Variants in NEK7 observed in about 807,000 individuals in gnomAD.
NEK7 encodes the protein NIMA related kinase 7, also known as serine/threonine-protein kinase Nek7.
In NEK7, 18 loss-of-function variants were observed where a neutral mutation model predicts 44.6. The ratio of observed to expected loss-of-function variants is 0.40; its 90% CI spans 0.28 to 0.60. The LOEUF (loss-of-function observed/expected upper bound fraction) is 0.60, where lower values mean the gene tolerates loss of function less well. Ranked by LOEUF, NEK7 falls within the 20% of genes least tolerant of loss-of-function variation. The pLI is 0.38. For missense variants in NEK7, 256 were observed against 366.5 expected (o/e 0.70, Z 2.46); for synonymous variants, 130 against 121.1 (o/e 1.07, Z -0.48).
At chr1:198,319,334 T>G (rs1261475905) in intron 9 of NEK7, 78 bp from the exon 10 acceptor site, 2 of 837,440 alleles carry the variant, frequency 2.4e-6, no homozygotes, top group African/African-American at 3.4e-5. Context: ...TCTATAGCTA[T>G]TCATAATTTC....
In NEK7 at chr1:198,250,839, G is replaced by A. The variant is rs571637131; in HGVS notation, c.58-2201G>A. Among the ~76,000 whole-genome samples, 1,444 of 150,426 alleles carry A rather than the reference G, an allele frequency of 9.6e-3. 24 individuals carry two copies. Among genetic ancestry groups the A allele is most frequent in the African/African-American group, 0.033 (1,353 of 40,966 alleles). On this transcript the variant is annotated intron_variant, in intron 2 of 9. Transcript: ENST00000367385. Reference sequence around the variant, plus strand: ...TGTCATCTGCAAACAGGGACAATTTGACTTCCTCTTTTCCTAATTGAATAC... The same window carrying A: ...TGTCATCTGCAAACAGGGACAATTTAACTTCCTCTTTTCCTAATTGAATAC...
intron 1 of NEK7, among the ~76,000 whole-genome samples, chr1:198,219,076 A>G (rs1485311689): frequency 2.0e-5 from 3 of 151,966 alleles, no homozygotes; most frequent in Non-Finnish European, 2.9e-5. Context: ...CCAAAGAAAA[A>G]GAAGTCACTG....
intron 3 of NEK7, among the ~76,000 whole-genome samples, chr1:198,259,826 CAT>C (rs756434289): frequency 2.0e-5 from 3 of 151,938 alleles, no homozygotes; most frequent in Non-Finnish European, 4.4e-5. Flanking sequence ...CACACACACA[CAT>C]ATATATTTTC....
chr1:198,259,319 C>T (rs1272063946), intron 3 of NEK7, among the ~76,000 whole-genome samples: 3 of 152,068 alleles, frequency 2.0e-5, no homozygotes, highest in Non-Finnish European at 2.9e-5. Context: ...TGTTGTTCCA[C>T]ATCATAGAGA....
At chr1:198,169,097 T>C (rs1571497284) in intron 1 of NEK7, among the ~76,000 whole-genome samples, 1 of 152,244 alleles carries the variant, frequency 6.6e-6, no homozygotes, top group Non-Finnish European at 1.5e-5. Context: ...TCAGTACATA[T>C]GGCTTAGCTC....
intron 1 of NEK7, among the ~76,000 whole-genome samples, chr1:198,217,820 A>G (rs914511288): frequency 4.0e-5 from 6 of 148,830 alleles, no homozygotes; most frequent in African/African-American, 1.5e-4. Context: ...CAAGAACACA[A>G]TCCGTTTTTA....
At chr1:198,187,349 A>G (rs529325213) in intron 1 of NEK7, among the ~76,000 whole-genome samples, 2 of 152,238 alleles carry the variant, frequency 1.3e-5, no homozygotes, top group Admixed American at 6.5e-5. Context: ...GCTAGTCCCT[A>G]TATCTCATCA....
At chr1:198,305,088 A>C (rs1410799938) in intron 9 of NEK7, among the ~76,000 whole-genome samples, 3 of 131,988 alleles carry the variant, frequency 2.3e-5, no homozygotes, top group Admixed American at 8.3e-5. Flanking sequence ...TTTCTGAGAT[A>C]ACATAAACCA....
intron 1 of NEK7, among the ~76,000 whole-genome samples, chr1:198,216,165 T>C (rs963331352): frequency 2.0e-5 from 3 of 152,088 alleles, no homozygotes; most frequent in African/African-American, 7.2e-5. Context: ...TTCTCCAAGA[T>C]AGACCATATG....
At chr1:198,259,407 G>A (rs1653380382) in intron 3 of NEK7, among the ~76,000 whole-genome samples, 1 of 151,962 alleles carries the variant, frequency 6.6e-6, no homozygotes, top group African/African-American at 2.4e-5. Context: ...GGTACTATAT[G>A]GGCATTATTC....
chr1:198,183,244 G>A (rs1664818233), intron 1 of NEK7, among the ~76,000 whole-genome samples: 1 of 151,404 alleles, frequency 6.6e-6, no homozygotes, highest in African/African-American at 2.4e-5. Context: ...TTCATGTGGC[G>A]ATGTCTCTGG....
chr1:198,271,254 C>T (rs1653835734), intron 5 of NEK7, among the ~76,000 whole-genome samples: 1 of 151,984 alleles, frequency 6.6e-6, no homozygotes, highest in African/African-American at 2.4e-5. Flanking sequence ...ATCCCTTCTT[C>T]TTTATAACAT....
intron 5 of NEK7, among the ~76,000 whole-genome samples, chr1:198,269,059 A>G (rs139135450): frequency 0.012 from 1,846 of 152,186 alleles, 12 homozygotes; most frequent in South Asian, 0.02. Flanking sequence ...TAATATAATC[A>G]TGTATTCATG....
chr1:198,172,304 A>G (rs1664473949), intron 1 of NEK7, among the ~76,000 whole-genome samples: 1 of 152,190 alleles, frequency 6.6e-6, no homozygotes, highest in Non-Finnish European at 1.5e-5. Flanking sequence ...TAAAGAAACT[A>G]GAAACTTAAC....
At chr1:198,170,601 G>A (rs753902839) in intron 1 of NEK7, among the ~76,000 whole-genome samples, 1 of 152,102 alleles carries the variant, frequency 6.6e-6, no homozygotes, top group Non-Finnish European at 1.5e-5. Flanking sequence ...CATGTTCCAA[G>A]GATCCCCTCA....
chr1:198,227,696 G>A (rs561674166), intron 1 of NEK7, among the ~76,000 whole-genome samples: 10 of 152,172 alleles, frequency 6.6e-5, no homozygotes, highest in South Asian at 4.2e-4. Flanking sequence ...CATATCCTTC[G>A]CCCACTTTTG....
At chr1:198,274,676 G>A (rs1653962185) in intron 5 of NEK7, among the ~76,000 whole-genome samples, 1 of 151,770 alleles carries the variant, frequency 6.6e-6, no homozygotes, top group Non-Finnish European at 1.5e-5. Context: ...GAAATAAGCA[G>A]TGTATATTCT....
chr1:198,219,460 A>C (rs187428568), intron 1 of NEK7, among the ~76,000 whole-genome samples: 2 of 151,654 alleles, frequency 1.3e-5, no homozygotes, highest in African/African-American at 4.8e-5. Flanking sequence ...GGAATCAAAA[A>C]CCAAATACTG....
intron 9 of NEK7, among the ~76,000 whole-genome samples, chr1:198,313,033 G>A (rs1655240371): frequency 6.6e-6 from 1 of 151,922 alleles, no homozygotes; most frequent in South Asian, 2.1e-4. Context: ...AATGTTGACA[G>A]TGGGGTGTTA....
Sources: allele counts gnomAD v4.1 joint callset (sites outside exome capture counted in the v4.1 genomes callset), GRCh38; gene constraint gnomAD v4.1.1; transcripts MANE v1.5; gene names NCBI Gene and HGNC (gene_info 2026-07-23, HGNC 2026-07-21).